AFF3: variants seen among roughly 807,000 people sequenced by gnomAD.
AFF3 encodes the protein ALF transcription elongation factor 3, also known as AF4/FMR2 family member 3.
AFF3 carries 32 observed loss-of-function variants against 129.7 expected under a neutral mutation model. The ratio of observed to expected loss-of-function variants is 0.25; its 90% CI spans 0.19 to 0.33. The LOEUF is 0.33. Among genes scored for constraint, AFF3 ranks in the 10% least tolerant of loss-of-function variants. AFF3 has a pLI of 1.00. For missense variants in AFF3, 1,373 were observed against 1,592.0 expected (o/e 0.86, Z 2.34); for synonymous variants, 644 against 635.4 (o/e 1.01, Z -0.20).
chr2:100,064,965 C>T (rs1456591011), intron 4 of AFF3, among the ~76,000 whole-genome samples: 3 of 152,146 alleles, frequency 2.0e-5, no homozygotes, highest in Non-Finnish European at 4.4e-5. Flanking sequence ...TTAAGTCATG[C>T]CGATAATGTG....
intron 13 of AFF3, among the ~76,000 whole-genome samples, chr2:99,628,618 G>A (rs771655297): frequency 2.1e-4 from 31 of 151,078 alleles, no homozygotes; most frequent in Non-Finnish European, 2.8e-4. Flanking sequence ...GTGCACTGGC[G>A]TGATCTTGGC....
At chr2:99,813,069 G>A (rs1686920979) in intron 8 of AFF3, among the ~76,000 whole-genome samples, 1 of 152,128 alleles carries the variant, frequency 6.6e-6, no homozygotes, top group Non-Finnish European at 1.5e-5. Flanking sequence ...TACCGACACA[G>A]TTTTACAAGT....
intron 14 of AFF3, among the ~76,000 whole-genome samples, chr2:99,599,282 G>A (rs1679586825): frequency 1.3e-5 from 2 of 151,946 alleles, no homozygotes; most frequent in African/African-American, 2.4e-5. Context: ...TCTTTGAGAC[G>A]GAGTCTCGCT....
chr2:99,560,898 G>C (rs919371701), intron 20 of AFF3, among the ~76,000 whole-genome samples: 5 of 152,192 alleles, frequency 3.3e-5, no homozygotes, highest in African/African-American at 1.2e-4. Context: ...TACTTTGACA[G>C]CTACATAAGT....
intron 11 of AFF3, among the ~76,000 whole-genome samples, chr2:99,683,789 G>A (rs1351632510): frequency 6.6e-6 from 1 of 152,166 alleles, no homozygotes; most frequent in Non-Finnish European, 1.5e-5. Context: ...CACATTCTAG[G>A]TGCCAGAGAT....
At chr2:99,973,506 T>C (rs535914587) in intron 7 of AFF3, among the ~76,000 whole-genome samples, 2 of 152,326 alleles carry the variant, frequency 1.3e-5, no homozygotes, top group African/African-American at 4.8e-5. Flanking sequence ...CAGATGGTTA[T>C]GGTTTATTCC....
At chr2:99,946,969 G>A (rs1056995409) in intron 7 of AFF3, among the ~76,000 whole-genome samples, 2 of 152,050 alleles carry the variant, frequency 1.3e-5, no homozygotes, top group Admixed American at 6.5e-5. Flanking sequence ...TCACTTATGG[G>A]CTTCTACTTG....
chr2:99,571,377 T>C (rs1204616216), intron 18 of AFF3, among the ~76,000 whole-genome samples: 1 of 152,226 alleles, frequency 6.6e-6, no homozygotes, highest in Non-Finnish European at 1.5e-5. Context: ...TAATAAGCTA[T>C]GGTATCTTAG....
At chr2:99,708,802 G>GGT (rs1677640800) in intron 11 of AFF3, among the ~76,000 whole-genome samples, 2 of 152,100 alleles carry the variant, frequency 1.3e-5, no homozygotes, top group African/African-American at 4.8e-5. Flanking sequence ...TATTAATTCA[G>GGT]GTGTATTTCT....
intron 20 of AFF3, among the ~76,000 whole-genome samples, chr2:99,564,782 GA>G (rs1192019059): frequency 3.9e-5 from 6 of 152,182 alleles, no homozygotes; most frequent in Non-Finnish European, 1.5e-5. Flanking sequence ...TTAGTTTTAG[GA>G]AGAATTATTT....
intron 1 of AFF3, 82 bp downstream of exon 1, chr2:100,142,402 C>T (rs1368567889): frequency 6.6e-6 from 1 of 152,318 alleles, no homozygotes; most frequent in Non-Finnish European, 1.5e-5. Flanking sequence ...AGAGCGCCAC[C>T]CTTCAGGACA....
At chr2:100,066,612 G>C (rs1376175845) in intron 4 of AFF3, among the ~76,000 whole-genome samples, 1 of 152,136 alleles carries the variant, frequency 6.6e-6, no homozygotes, top group East Asian at 1.9e-4. Context: ...CTCTGCAGCA[G>C]TGAGGTTCTG....
intron 7 of AFF3, among the ~76,000 whole-genome samples, chr2:99,969,281 T>C (rs1396119083): frequency 6.6e-6 from 1 of 152,198 alleles, no homozygotes; most frequent in Non-Finnish European, 1.5e-5. Context: ...TTTGGGTGAC[T>C]AGTGACCTCA....
intron 2 of AFF3, among the ~76,000 whole-genome samples, chr2:100,121,049 A>G (rs1280039713): frequency 1.3e-5 from 2 of 152,216 alleles, no homozygotes; most frequent in Non-Finnish European, 2.9e-5. Context: ...CGAAATATTT[A>G]TTACAAATGA....
At chr2:99,684,884 A>C (rs936799797) in intron 11 of AFF3, among the ~76,000 whole-genome samples, 4 of 152,028 alleles carry the variant, frequency 2.6e-5, no homozygotes, top group Admixed American at 2.0e-4. Flanking sequence ...GAATATAGAA[A>C]TCAAATAACT....
intron 8 of AFF3, among the ~76,000 whole-genome samples, chr2:99,764,833 G>T (rs1160758754): frequency 6.6e-6 from 1 of 152,080 alleles, no homozygotes; most frequent in African/African-American, 2.4e-5. Flanking sequence ...ACACCTGCTA[G>T]TTTCTGGCAC....
intron 11 of AFF3, among the ~76,000 whole-genome samples, chr2:99,702,007 T>C (rs1676913276): frequency 1.3e-5 from 2 of 152,266 alleles, no homozygotes; most frequent in Admixed American, 6.5e-5. Flanking sequence ...ATTCCTTTTA[T>C]TGCTGGGTAG....
chr2:99,820,870 CTTTTTTTTTT>C lies in AFF3; in HGVS notation c.921+16597_921+16606del, dbSNP rs869085194. Among the ~76,000 whole-genome samples the C allele has an allele frequency of 4.2e-3, 423 of 101,720 alleles. 6 individuals carry two copies. The highest frequency in any genetic ancestry group is 0.015 in the African/African-American group (408 of 27,738). 66.7% of individuals were successfully genotyped at this position (101,720 alleles called of 152,430 possible). On this transcript the variant is annotated intron_variant, in intron 8 of 24. Transcript: ENST00000672756. The stretch of plus-strand genomic sequence containing the variant: ...AATATCACTGTCTTCTCCTCCACAT[CTTTTTTTTTT>C]TTTTTTTTTTTGGATAGAGTCTCAC...
intron 11 of AFF3, among the ~76,000 whole-genome samples, chr2:99,703,237 A>G (rs1348775236): frequency 6.6e-6 from 1 of 152,148 alleles, no homozygotes; most frequent in Admixed American, 6.5e-5. Flanking sequence ...TTCTGGACTC[A>G]TGGCCCCTTT....
Sources: allele counts gnomAD v4.1 joint callset (sites outside exome capture counted in the v4.1 genomes callset), GRCh38; gene constraint gnomAD v4.1.1; transcripts MANE v1.5; gene names NCBI Gene and HGNC (gene_info 2026-07-23, HGNC 2026-07-21).